Variants in VRK2 observed in about 807,000 individuals in gnomAD.
VRK2 encodes serine/threonine-protein kinase VRK2.
VRK2 carries 60 observed loss-of-function variants against 57.6 expected under a neutral mutation model. The observed-to-expected ratio is 1.04, with a 90% CI of 0.85 to 1.29. The LOEUF is 1.29. VRK2 is among the 50% of genes most tolerant of loss of function. VRK2 has a pLI of 0.00. For missense variants in VRK2, 705 were observed against 588.1 expected (o/e 1.20, Z -2.06); for synonymous variants, 231 against 199.2 (o/e 1.16, Z -1.35).
chr2:57,943,011 A>G (rs1209300840), intron 1 of VRK2, among the ~76,000 whole-genome samples: 1 of 152,196 alleles, frequency 6.6e-6, no homozygotes, highest in African/African-American at 2.4e-5. Flanking sequence ...TTTTCATAGG[A>G]TAATTTTATA....
intron 1 of VRK2, among the ~76,000 whole-genome samples, chr2:57,967,577 A>G (rs747150139): frequency 6.6e-6 from 1 of 152,148 alleles, no homozygotes; most frequent in Admixed American, 6.5e-5. Context: ...AATATAAGAA[A>G]ACAAAAATCT....
intron 2 of VRK2, among the ~76,000 whole-genome samples, chr2:58,030,331 A>C (rs1674074716): frequency 6.6e-6 from 1 of 152,104 alleles, no homozygotes. Flanking sequence ...TATCATTTTT[A>C]AATGTCCTGA....
At chr2:58,123,069 G>C in intron 7 of VRK2, 32 bp from the exon 8 acceptor site, 3 of 1,582,438 alleles carry the variant, frequency 1.9e-6, no homozygotes, top group Non-Finnish European at 2.6e-6. Context: ...GAGGACAAAG[G>C]CATTATTCAT....
intron 8 of VRK2, among the ~76,000 whole-genome samples, chr2:58,128,995 T>G (rs1678777069): frequency 6.6e-6 from 1 of 152,226 alleles, no homozygotes; most frequent in Admixed American, 6.5e-5. Flanking sequence ...GGCAATACTT[T>G]ATAATTTAGA....
At chr2:58,103,612 A>G (rs552281480) in intron 7 of VRK2, among the ~76,000 whole-genome samples, 1 of 151,750 alleles carries the variant, frequency 6.6e-6, no homozygotes, top group South Asian at 2.1e-4. Flanking sequence ...GAAAAATCTT[A>G]ACAAACAAAA....
At position 58,118,473 on chromosome 2, in the gene VRK2, T is replaced by A. The variant is rs551038538; in HGVS notation, c.544-4628T>A. Among the ~76,000 whole-genome samples, 6 of 152,244 alleles carry A rather than the reference T, an allele frequency of 3.9e-5. No homozygotes were observed. The East Asian group carries it at 1.2e-3, about 29-fold the overall frequency. On this transcript the variant is annotated intron_variant, in intron 7 of 12. Transcript: ENST00000340157. Reference sequence around the variant, plus strand: ...TTAAGAGAAGGGAGAGATTGAAGTGTGGTGCCAAGATTGAAAGGAGAAAGA... The same window carrying A: ...TTAAGAGAAGGGAGAGATTGAAGTGAGGTGCCAAGATTGAAAGGAGAAAGA...
intron 2 of VRK2, among the ~76,000 whole-genome samples, chr2:58,071,237 C>A (rs1669321572): frequency 6.6e-6 from 1 of 151,958 alleles, no homozygotes; most frequent in Non-Finnish European, 1.5e-5. Flanking sequence ...TATCTCCTCC[C>A]AGACTGTGAT....
At chr2:57,930,254 C>G (rs1302906685) in intron 1 of VRK2, among the ~76,000 whole-genome samples, 1 of 152,132 alleles carries the variant, frequency 6.6e-6, no homozygotes, top group African/African-American at 2.4e-5. Context: ...TTGTGATGGG[C>G]AATTCTCCTC....
At chr2:58,110,950 C>T (rs1203247528) in intron 7 of VRK2, among the ~76,000 whole-genome samples, 1 of 152,098 alleles carries the variant, frequency 6.6e-6, no homozygotes, top group East Asian at 1.9e-4. Context: ...CCTTGGTGCA[C>T]ACGCTGTGGT....
rs181529536 is a variant in VRK2, at chr2:57,980,295, A to C, written c.-438-45370A>C. On this transcript the variant is annotated intron_variant, in intron 1 of 15. Transcript: ENST00000417641. Reference sequence around the variant, plus strand: ...TTTGCCCTAATTTCATTCTTTACCCAAAATCATTCAAGAACAGGTTGTTAA... The same window carrying C: ...TTTGCCCTAATTTCATTCTTTACCCCAAATCATTCAAGAACAGGTTGTTAA... Among the ~76,000 whole-genome samples, 888 of 152,240 alleles carry C rather than the reference A, an allele frequency of 5.8e-3. 9 individuals are homozygous for C. Among genetic ancestry groups the C allele is most frequent in the African/African-American group, 0.02 (835 of 41,546 alleles).
chr2:58,124,411 T>C (rs1352976022), intron 8 of VRK2, among the ~76,000 whole-genome samples: 2 of 152,226 alleles, frequency 1.3e-5, no homozygotes, highest in South Asian at 2.1e-4. Context: ...AAAATGGTGA[T>C]TATTGAAAAA....
chr2:58,085,028 G>A, intron 4 of VRK2, 78 bp downstream of exon 4: 1 of 1,335,854 alleles, frequency 7.5e-7, no homozygotes, highest in Non-Finnish European at 1.0e-6. Flanking sequence ...GTCTTTTTCT[G>A]GCCTTCTGGA....
intron 7 of VRK2, among the ~76,000 whole-genome samples, chr2:58,092,298 T>C (rs1672492231): frequency 6.6e-6 from 1 of 152,194 alleles, no homozygotes; most frequent in Non-Finnish European, 1.5e-5. Flanking sequence ...TTTGGGTCTG[T>C]TTTCCTTCAC....
At chr2:58,071,095 C>T (rs1299185271) in intron 2 of VRK2, among the ~76,000 whole-genome samples, 3 of 152,082 alleles carry the variant, frequency 2.0e-5, no homozygotes, top group Non-Finnish European at 4.4e-5. Context: ...GTTTATTTTA[C>T]ACCTTTACAT....
At chr2:58,117,114 A>G (rs1676639256) in intron 7 of VRK2, among the ~76,000 whole-genome samples, 1 of 152,168 alleles carries the variant, frequency 6.6e-6, no homozygotes, top group Non-Finnish European at 1.5e-5. Flanking sequence ...GGGTAATAAA[A>G]TGTATATTGA....
At position 58,123,148 on chromosome 2, in the gene VRK2, G is replaced by A; in HGVS notation, c.591G>A (p.Gly197=). 6.3e-7 allele frequency: 1 copy of A among 1,597,210 alleles called. No homozygotes were observed. The highest frequency in any genetic ancestry group is 8.5e-7 in the Non-Finnish European group (1 of 1,175,362). ...YGLSYRYCPN[G]NHKQYQENPR... is the part of the protein sequence containing the mutation. ...TTTCCTACAGATATTGTCCCAATGG[G>A]AACCACAAACAGTATCAGGAAAATC... The change falls in exon 8 of 13, where the codon GGG becomes GGA. Residue 197 remains glycine, a synonymous_variant. Transcript: ENST00000340157.
chr2:57,959,068 G>C (rs1416036811), intron 1 of VRK2, among the ~76,000 whole-genome samples: 2 of 152,168 alleles, frequency 1.3e-5, no homozygotes, highest in African/African-American at 4.8e-5. Context: ...AGGGGTCGTT[G>C]CCATTCATCC....
chr2:58,084,269 C>A, intron 3 of VRK2, 131 bp downstream of exon 3: 1 of 947,894 alleles, frequency 1.1e-6, no homozygotes, highest in East Asian at 2.9e-5. Context: ...TCTGTTTTGA[C>A]GTTGTTAAAA....
chr2:58,074,259 A>G (rs1373631851), intron 2 of VRK2, among the ~76,000 whole-genome samples: 1 of 151,904 alleles, frequency 6.6e-6, no homozygotes, highest in Non-Finnish European at 1.5e-5. Flanking sequence ...CTGTCTTTTA[A>G]TTGGTGTATT....
Sources: allele counts gnomAD v4.1 joint callset (sites outside exome capture counted in the v4.1 genomes callset), GRCh38; gene constraint gnomAD v4.1.1; transcripts MANE v1.5; gene names NCBI Gene and HGNC (gene_info 2026-07-23, HGNC 2026-07-21).